The following BMPER variants were observed in gnomAD, a reference collection of about 807,000 sequenced individuals.
The protein encoded by BMPER is BMP binding endothelial regulator.
A neutral mutation model predicts 87.3 loss-of-function variants in BMPER; 45 were observed. That is an observed-to-expected ratio of 0.52 (90% CI 0.41 to 0.66). BMPER has a LOEUF of 0.66. Ranked by LOEUF, BMPER falls within the 30% of genes least tolerant of loss-of-function variation. BMPER has a pLI of 0.00. For missense variants in BMPER, 784 were observed against 867.5 expected, an observed-to-expected ratio of 0.90 and a Z score of 1.21; for synonymous variants, 326 against 316.2, an observed-to-expected ratio of 1.03 and a Z score of -0.33.
intron 2 of BMPER, among the ~76,000 whole-genome samples, chr7:33,910,286 T>G (rs1287036549): frequency 1.3e-5 from 2 of 152,216 alleles, no homozygotes; most frequent in African/African-American, 2.4e-5. Flanking sequence ...CCCACTTTCT[T>G]GCTAGAATTA....
At chr7:33,930,482 A>G (rs1283647170) in intron 2 of BMPER, among the ~76,000 whole-genome samples, 2 of 152,128 alleles carry the variant, frequency 1.3e-5, no homozygotes, top group South Asian at 4.1e-4. Context: ...TTTCCAAGAG[A>G]CTGAGAACAG....
At position 33,914,916 on chromosome 7, in the gene BMPER, A is replaced by G. The variant is rs1784052844; in HGVS notation, c.219+8013A>G. On this transcript the variant is annotated intron_variant, in intron 2 of 14. Coordinates refer to ENST00000649409, the MANE Select transcript of BMPER (RefSeq NM_001365308.1). The stretch of plus-strand genomic sequence containing the variant: ...GGAAGATTCTAGGAGGATGTCAAAT[A>G]AGGAACTTTCTCATCTTCTTGGACT... Among the ~76,000 whole-genome samples the G allele has an allele frequency of 2.0e-5, 3 of 152,182 alleles. No individual in the cohort carries two copies. In the South Asian group the frequency reaches 6.2e-4, roughly 31 times the overall value.
At chr7:33,954,025 A>G (rs1369681736) in intron 3 of BMPER, among the ~76,000 whole-genome samples, 1 of 152,158 alleles carries the variant, frequency 6.6e-6, no homozygotes, top group Non-Finnish European at 1.5e-5. Context: ...AATATACTGC[A>G]TTTTGTTTAT....
At chr7:33,952,757 G>A (rs978796226) in intron 3 of BMPER, among the ~76,000 whole-genome samples, 1 of 152,164 alleles carries the variant, frequency 6.6e-6, no homozygotes, top group African/African-American at 2.4e-5. Flanking sequence ...TTCTTCAGAA[G>A]TTGATTCCTT....
chr7:34,154,998 TG>T lies in BMPER; in HGVS notation c.*1730del, dbSNP rs1461747714. The T allele has an allele frequency of 6.6e-6, 1 of 152,132 alleles. No homozygotes were observed. Among genetic ancestry groups the T allele is most frequent in the Non-Finnish European group, 1.5e-5 (1 of 68,018 alleles). The allele number at this position is 152,132 out of a possible 1,614,324, so 9.4% of individuals were successfully genotyped here. On this transcript the variant is annotated 3_prime_UTR_variant, in exon 15 of 15. Transcript: ENST00000649409. ...TGACTATCCCCATTATTTAAGCATT[TG>T]GGGGTCTCACTTTTGCTTATCTGTA... is the stretch of plus-strand genomic sequence containing the variant.
intron 13 of BMPER, among the ~76,000 whole-genome samples, chr7:34,098,054 G>T (rs1288325439): frequency 6.6e-6 from 1 of 152,042 alleles, no homozygotes; most frequent in Non-Finnish European, 1.5e-5. Flanking sequence ...ATGAAGTCAT[G>T]CCCAGAGAAA....
intron 11 of BMPER, among the ~76,000 whole-genome samples, chr7:34,068,655 C>G (rs1788658675): frequency 6.6e-6 from 1 of 152,054 alleles, no homozygotes; most frequent in African/African-American, 2.4e-5. Context: ...ATTCAAGTTA[C>G]TGGGGTCAAG....
At chr7:34,070,230 A>AT (rs1020079421) in intron 11 of BMPER, among the ~76,000 whole-genome samples, 1 of 152,126 alleles carries the variant, frequency 6.6e-6, no homozygotes, top group African/African-American at 2.4e-5. Context: ...TCTACCTTTG[A>AT]TTCCCCCAAT....
At chr7:33,951,096 G>A (rs531511224) in intron 3 of BMPER, among the ~76,000 whole-genome samples, 1 of 151,448 alleles carries the variant, frequency 6.6e-6, no homozygotes, top group East Asian at 2.0e-4. Context: ...TGCCCAGGCT[G>A]GAGTGCAATG....
chr7:34,091,547 T>A (rs775202150), intron 13 of BMPER, among the ~76,000 whole-genome samples: 2 of 152,234 alleles, frequency 1.3e-5, no homozygotes, highest in South Asian at 2.1e-4. Flanking sequence ...GTAGCACTTA[T>A]CACATTTCAG....
chr7:34,142,880 G>A (rs1790909722), intron 13 of BMPER, among the ~76,000 whole-genome samples: 1 of 152,190 alleles, frequency 6.6e-6, no homozygotes, highest in Non-Finnish European at 1.5e-5. Flanking sequence ...TAAAATAAAA[G>A]CAAATTAGAA....
At chr7:33,993,997 A>G (rs1786317655) in intron 6 of BMPER, among the ~76,000 whole-genome samples, 4 of 152,320 alleles carry the variant, frequency 2.6e-5, no homozygotes, top group East Asian at 1.9e-4. Context: ...CCAGCTGCTT[A>G]CTGGGAGAAC....
chr7:34,081,695 C>G (rs1299985869), intron 12 of BMPER, among the ~76,000 whole-genome samples: 3 of 152,236 alleles, frequency 2.0e-5, no homozygotes, highest in African/African-American at 7.2e-5. Flanking sequence ...TACATCACAT[C>G]TACCTGAAAG....
At chr7:34,063,311 A>C (rs1186855533) in intron 11 of BMPER, among the ~76,000 whole-genome samples, 1 of 152,104 alleles carries the variant, frequency 6.6e-6, no homozygotes, top group Non-Finnish European at 1.5e-5. Flanking sequence ...ATATTACTAG[A>C]ATTACTAGAC....
chr7:33,947,526 G>C (rs74965952), intron 3 of BMPER, among the ~76,000 whole-genome samples: 2,717 of 152,172 alleles, frequency 0.018, 75 homozygotes, highest in African/African-American at 0.061. Context: ...TTTTTTAATA[G>C]TTTAACTTTT....
At chr7:33,905,222 G>A (rs553388657), upstream of BMPER, 163 of 306,666 alleles carry the variant, frequency 5.3e-4, 3 homozygotes, top group South Asian at 4.2e-3. Context: ...CCCGGGCGGC[G>A]GCTGAGCGGC....
intron 6 of BMPER, among the ~76,000 whole-genome samples, chr7:33,982,331 G>T (rs549456607): frequency 2.0e-5 from 3 of 152,246 alleles, no homozygotes; most frequent in African/African-American, 7.2e-5. Flanking sequence ...ATAAATTGGA[G>T]AATTGAGCAA....
chr7:34,039,321 G>A (rs536234853), intron 6 of BMPER, among the ~76,000 whole-genome samples: 26 of 152,244 alleles, frequency 1.7e-4, no homozygotes, highest in African/African-American at 4.3e-4. Flanking sequence ...TTAAAAATGC[G>A]CATTCCTGGA....
intron 13 of BMPER, among the ~76,000 whole-genome samples, chr7:34,086,744 C>G (rs1033848496): frequency 1.8e-4 from 27 of 152,280 alleles, no homozygotes; most frequent in African/African-American, 6.5e-4. Context: ...CCCCCTTCCA[C>G]GCAAAGCAAC....
Sources: allele counts gnomAD v4.1 joint callset (sites outside exome capture counted in the v4.1 genomes callset), GRCh38; gene constraint gnomAD v4.1.1; transcripts MANE v1.5; gene names NCBI Gene and HGNC (gene_info 2026-07-23, HGNC 2026-07-21).